The following SLC36A1 variants were observed in gnomAD, a reference collection of about 807,000 sequenced individuals.
SLC36A1 encodes the protein proton-coupled amino acid transporter 1.
Under a neutral mutation model 47.5 loss-of-function variants are expected in SLC36A1, and 30 were observed. The ratio of observed to expected loss-of-function variants is 0.63; its 90% CI spans 0.47 to 0.86. The LOEUF (loss-of-function observed/expected upper bound fraction) is 0.86. SLC36A1 is among the 40% of genes least tolerant of loss of function. The pLI, the probability that SLC36A1 is intolerant of heterozygous loss-of-function variation, is 0.00. For synonymous variants in SLC36A1, 255 were observed against 249.7 expected (o/e 1.02, Z -0.20); for missense variants, 517 against 606.0 (o/e 0.85, Z 1.54).
At chr5:151,397,335 A>G in the SLC36A1 span, among the ~76,000 whole-genome samples, 1 of 152,226 alleles carries the variant, frequency 6.6e-6, no homozygotes, top group Admixed American at 6.5e-5. Context: ...GGGGAGCGGA[A>G]CAAAAAGGGT....
intron 6 of SLC36A1, 32 bp downstream of exon 6, chr5:151,467,315 AAAAAAC>A: frequency 7.1e-7 from 1 of 1,400,720 alleles, no homozygotes; most frequent in Non-Finnish European, 9.8e-7. Context: ...AAAAAAAAAA[AAAAAAC>A]CAGAGCGAGA....
At chr5:151,458,295 C>T (rs1253282371) in intron 1 of SLC36A1, among the ~76,000 whole-genome samples, 15 of 129,808 alleles carry the variant, frequency 1.2e-4, no homozygotes, top group African/African-American at 4.9e-4. Context: ...TATATATATA[C>T]ATACACGTGT....
the SLC36A1 span, among the ~76,000 whole-genome samples, chr5:151,549,784 CAG>C: frequency 6.6e-6 from 1 of 152,140 alleles, no homozygotes; most frequent in Non-Finnish European, 1.5e-5. Context: ...AATTACATCT[CAG>C]AGAATACTCA....
At chr5:151,424,208 G>C in the SLC36A1 span, among the ~76,000 whole-genome samples, 1 of 152,330 alleles carries the variant, frequency 6.6e-6, no homozygotes, top group South Asian at 2.1e-4. Flanking sequence ...AGTACATTAT[G>C]TTGGACAGGA....
chr5:151,399,183 T>C, the SLC36A1 span, among the ~76,000 whole-genome samples: 5 of 149,290 alleles, frequency 3.3e-5, no homozygotes, highest in African/African-American at 1.2e-4. Flanking sequence ...ATCTCCCAGG[T>C]TCAAGCGATT....
At chr5:151,470,944 A>G (rs377736374) in intron 7 of SLC36A1, 2 of 152,224 alleles carry the variant, frequency 1.3e-5, no homozygotes, top group Admixed American at 6.5e-5. Context: ...CTCCCAATAA[A>G]TGTTTTATCA....
chr5:151,469,285 G>T (rs1182408436), intron 7 of SLC36A1: 5 of 692,178 alleles, frequency 7.2e-6, no homozygotes, highest in Non-Finnish European at 1.3e-5. Flanking sequence ...AGTATATTGA[G>T]AAATACATTG....
At chr5:151,518,374 A>AATAATAATAATAATAATAATAATT in the SLC36A1 span, among the ~76,000 whole-genome samples, 1 of 147,396 alleles carries the variant, frequency 6.8e-6, no homozygotes, top group African/African-American at 2.5e-5. Flanking sequence ...TAATAATAAT[A>AATAATAATAATAATAATAATAATT]ATTTTTAAAA....
chr5:151,467,715 A>G lies in SLC36A1; in HGVS notation c.513A>G (p.Glu171=). Residue 171 remains glutamate, a synonymous_variant, in exon 7 of 11, where the codon GAA becomes GAG. Coordinates refer to ENST00000243389, the MANE Select transcript of SLC36A1 (RefSeq NM_078483.4). ...CCTTCCCCTCATTCTAGGTGATAGA[A>G]GCGGCCAATGGGACCACCAATAACT... ...FLADNFKQVI[E]AANGTTNNCH... 6.2e-7 allele frequency: 1 copy of G among 1,613,918 alleles called. No homozygotes were observed. Among genetic ancestry groups the G allele is most frequent in the Non-Finnish European group, 8.5e-7 (1 of 1,179,908 alleles).
At chr5:151,553,573 G>A in the SLC36A1 span, among the ~76,000 whole-genome samples, 2 of 152,226 alleles carry the variant, frequency 1.3e-5, no homozygotes, top group African/African-American at 4.8e-5. Flanking sequence ...CTGCAGGCAC[G>A]GTGGTGAACA....
intron 1 of SLC36A1, among the ~76,000 whole-genome samples, chr5:151,457,927 C>T (rs980663920): frequency 2.0e-5 from 3 of 151,852 alleles, no homozygotes; most frequent in East Asian, 3.9e-4. Flanking sequence ...CGGCTCACCA[C>T]AACCTCCGCC....
the SLC36A1 span, among the ~76,000 whole-genome samples, chr5:151,391,786 C>A: frequency 1.3e-5 from 2 of 152,172 alleles, no homozygotes; most frequent in Non-Finnish European, 2.9e-5. Flanking sequence ...TTTTGATGTG[C>A]TGCTGGATTC....
chr5:151,530,923 A>G, the SLC36A1 span, among the ~76,000 whole-genome samples: 1 of 152,162 alleles, frequency 6.6e-6, no homozygotes, highest in Admixed American at 6.6e-5. Context: ...AATTTTAAAA[A>G]ATATTGCTCA....
chr5:151,386,922 G>T, the SLC36A1 span: 1 of 152,234 alleles, frequency 6.6e-6, no homozygotes, highest in Admixed American at 6.5e-5. Context: ...CTTCTCTTAG[G>T]TTCAGCTTAA....
the SLC36A1 span, chr5:151,546,378 G>A: frequency 4.2e-4 from 622 of 1,486,340 alleles, 5 homozygotes; most frequent in African/African-American, 1.5e-4. Flanking sequence ...CCACACCCTC[G>A]ACAGGTATCA....
the SLC36A1 span, chr5:151,347,712 G>T: frequency 1.3e-5 from 7 of 526,198 alleles, no homozygotes; most frequent in African/African-American, 1.3e-4. Context: ...TCACCCATTC[G>T]TATTGGTATT....
At chr5:151,438,371 A>G (rs1759899571) in intron 1 of SLC36A1, among the ~76,000 whole-genome samples, 1 of 151,418 alleles carries the variant, frequency 6.6e-6, no homozygotes, top group Non-Finnish European at 1.5e-5. Flanking sequence ...CCTTGAGATC[A>G]AAGAACAGGC....
the SLC36A1 span, among the ~76,000 whole-genome samples, chr5:151,530,609 C>T: frequency 6.6e-6 from 1 of 152,318 alleles, no homozygotes; most frequent in Non-Finnish European, 1.5e-5. Flanking sequence ...TACTAACAAA[C>T]CAGTTTCGAA....
At chr5:151,409,210 C>G in the SLC36A1 span, among the ~76,000 whole-genome samples, 1 of 151,966 alleles carries the variant, frequency 6.6e-6, no homozygotes, top group African/African-American at 2.4e-5. Flanking sequence ...ACGTTTTCCA[C>G]TCTGGTCTTG....
Sources: gnomAD v4.1 joint callset for allele counts (sites outside exome capture counted in the v4.1 genomes callset) on GRCh38, gnomAD v4.1.1 for gene constraint, MANE v1.5 for transcripts, NCBI Gene and HGNC (gene_info 2026-07-23, HGNC 2026-07-21) for gene names.